The following COPG2 variants were observed in gnomAD, a reference collection of about 807,000 sequenced individuals.
COPG2 encodes the protein coat protein complex I subunit gamma 2, also known as coatomer subunit gamma-2.
A neutral mutation model predicts 46.3 loss-of-function variants in COPG2; 37 were observed. The ratio of observed to expected loss-of-function variants is 0.80; its 90% confidence interval spans 0.61 to 1.05. The LOEUF (loss-of-function observed/expected upper bound fraction) is 1.05. Among genes scored for constraint, COPG2 ranks in the 50% least tolerant of loss-of-function variants. The probability of loss-of-function intolerance (pLI) is 0.00; values close to 1 mark genes in which losing one functional copy is unlikely to be tolerated. For synonymous variants in COPG2, 159 were observed against 129.7 expected (o/e 1.23, Z -1.53); for missense variants, 427 against 387.8 (o/e 1.10, Z -0.85).
chr7:130,666,372 AG>A (rs1451509991), intron 3 of COPG2, among the ~76,000 whole-genome samples: 3 of 152,208 alleles, frequency 2.0e-5, no homozygotes, highest in African/African-American at 7.2e-5. Context: ...TTGAAACCAA[AG>A]GATTTATTGA....
chr7:130,507,466 T>G (rs2302826), intron 22 of COPG2, 94 bp from the exon 23 acceptor site: 384,891 of 743,956 alleles, frequency 0.52, 103,299 homozygotes, highest in East Asian at 0.61. Context: ...GGTGGAAGGG[T>G]TTGTTGGTGA....
intron 4 of COPG2, among the ~76,000 whole-genome samples, chr7:130,661,779 C>T (rs1188927457): frequency 1.3e-5 from 2 of 152,166 alleles, no homozygotes; most frequent in Non-Finnish European, 2.9e-5. Flanking sequence ...TCTAGGTACA[C>T]TGGATAATTC....
At chr7:130,563,666 A>G (rs2116404836) in intron 10 of COPG2, among the ~76,000 whole-genome samples, 1 of 148,954 alleles carries the variant, frequency 6.7e-6, no homozygotes, top group East Asian at 2.0e-4. Context: ...AGGCAGAAGC[A>G]TGGCGTGAAC....
At chr7:130,523,119 C>CAAAAAAAAA (rs1308994776) in intron 20 of COPG2, among the ~76,000 whole-genome samples, 9,603 of 57,562 alleles carry the variant, frequency 0.17, 1,696 homozygotes, top group East Asian at 0.31. Flanking sequence ...ACTCTTCTCT[C>CAAAAAAAAA]AAAAAAAAAA....
At chr7:130,664,103 G>GA (rs1796029646) in intron 3 of COPG2, among the ~76,000 whole-genome samples, 1 of 151,984 alleles carries the variant, frequency 6.6e-6, no homozygotes, top group South Asian at 2.1e-4. Context: ...TCTGAGCAGT[G>GA]AAAAAGTGTT....
chr7:130,552,248 C>T (rs1793542978), intron 15 of COPG2, 107 bp downstream of exon 15: 1 of 394,400 alleles, frequency 2.5e-6, no homozygotes, highest in Non-Finnish European at 4.5e-6. Context: ...TCCAATAACT[C>T]TACTCTTAGG....
chr7:130,667,323 G>A (rs1796106292), intron 2 of COPG2, among the ~76,000 whole-genome samples, 159 bp downstream of exon 2: 1 of 152,166 alleles, frequency 6.6e-6, no homozygotes, highest in African/African-American at 2.4e-5. Context: ...ATTCTCCTGT[G>A]ACAAGTAACC....
intron 20 of COPG2, among the ~76,000 whole-genome samples, chr7:130,535,474 T>C (rs1205391718): frequency 6.6e-6 from 1 of 151,366 alleles, no homozygotes; most frequent in Non-Finnish European, 1.5e-5. Flanking sequence ...GAATGTGGAG[T>C]GCTCAGGGCA....
chr7:130,521,844 AT>A, intron 20 of COPG2, among the ~76,000 whole-genome samples: 1 of 152,202 alleles, frequency 6.6e-6, no homozygotes, highest in Admixed American at 6.5e-5. Context: ...GACCAAAGAT[AT>A]GGAAGGGAAA....
At chr7:130,520,824 T>C (rs1395578419) in intron 20 of COPG2, among the ~76,000 whole-genome samples, 1 of 152,240 alleles carries the variant, frequency 6.6e-6, no homozygotes, top group Non-Finnish European at 1.5e-5. Context: ...ATTGAAAACA[T>C]TCCATTGTTC....
chr7:130,551,915 A>C (rs1391797462), intron 15 of COPG2, among the ~76,000 whole-genome samples: 4 of 152,204 alleles, frequency 2.6e-5, no homozygotes, highest in African/African-American at 7.2e-5. Flanking sequence ...ATTACCTAAC[A>C]GTTTTTTTAA....
At position 130,612,281 on chromosome 7, in the gene COPG2, C is replaced by A; in HGVS notation, c.493-43G>T. The A allele has an allele frequency of 2.4e-6, 3 of 1,228,648 alleles. No homozygotes were observed. In the South Asian group the frequency reaches 4.6e-5, roughly 19 times the overall value. The allele number at this position is 1,228,648 out of a possible 1,614,324, so 76.1% of individuals were successfully genotyped here. On this transcript the variant is annotated intron_variant, in intron 7 of 23. Coordinates refer to ENST00000425248, the MANE Select transcript of COPG2 (RefSeq NM_012133.6). ...AAAATGAGAATAAATAATGCTTGGT[C>A]ACTAGAAGCTTAGAAACATGAGTTA...
At chr7:130,639,122 C>G (rs915688519) in intron 5 of COPG2, among the ~76,000 whole-genome samples, 3 of 152,186 alleles carry the variant, frequency 2.0e-5, no homozygotes, top group African/African-American at 7.2e-5. Context: ...AGAAATCACC[C>G]GCCTTCCACG....
intron 20 of COPG2, among the ~76,000 whole-genome samples, chr7:130,533,515 T>A (rs891351683): frequency 6.6e-6 from 1 of 151,394 alleles, no homozygotes; most frequent in African/African-American, 2.4e-5. Context: ...GTTGGGACAA[T>A]GTATCAGTGA....
At chr7:130,577,173 T>C (rs1291538360) in intron 9 of COPG2, among the ~76,000 whole-genome samples, 1 of 152,186 alleles carries the variant, frequency 6.6e-6, no homozygotes, top group Non-Finnish European at 1.5e-5. Flanking sequence ...GGAGCCAAGA[T>C]GGCCGAATAG....
intron 9 of COPG2, among the ~76,000 whole-genome samples, chr7:130,583,140 A>C (rs1191174950): frequency 1.3e-5 from 2 of 151,498 alleles, no homozygotes; most frequent in Non-Finnish European, 2.9e-5. Context: ...AATGTGGCCC[A>C]TATACACCAT....
intron 9 of COPG2, among the ~76,000 whole-genome samples, chr7:130,588,832 C>G (rs1794339852): frequency 6.6e-6 from 1 of 152,140 alleles, no homozygotes; most frequent in Admixed American, 6.5e-5. Context: ...AGACAGTCCT[C>G]TTTGACAATC....
At chr7:130,547,969 C>T in intron 19 of COPG2, 124 bp from the exon 20 acceptor site, 1 of 397,458 alleles carries the variant, frequency 2.5e-6, no homozygotes, top group Non-Finnish European at 4.4e-6. Flanking sequence ...AGGTCTCCTC[C>T]TAAGATTCTT....
intron 12 of COPG2, among the ~76,000 whole-genome samples, chr7:130,557,830 A>AAAAAAAC (rs1793654158): frequency 6.8e-6 from 1 of 147,884 alleles, no homozygotes; most frequent in African/African-American, 2.5e-5. Flanking sequence ...AAAAAAAAAA[A>AAAAAAAC]AAAAAAAATC....
Sources: allele counts gnomAD v4.1 joint callset (sites outside exome capture counted in the v4.1 genomes callset), GRCh38; gene constraint gnomAD v4.1.1; transcripts MANE v1.5; gene names NCBI Gene and HGNC (gene_info 2026-07-23, HGNC 2026-07-21).